The following MESP1 variants were observed in gnomAD, a reference collection of about 807,000 sequenced individuals.
MESP1 encodes the protein mesoderm posterior protein 1.
Under a neutral mutation model 15.2 loss-of-function variants are expected in MESP1, and 22 were observed. That is an observed-to-expected ratio of 1.45 (90% CI 1.04 to 2.07). The LOEUF (loss-of-function observed/expected upper bound fraction) is 2.07, where lower values mean the gene tolerates loss of function less well. Ranked by LOEUF, MESP1 falls within the 30% of genes most tolerant of loss-of-function variation. The pLI, the probability that MESP1 is intolerant of heterozygous loss-of-function variation, is 0.00. For missense variants in MESP1, 484 were observed against 411.9 expected, an observed-to-expected ratio of 1.17 and a Z score of -1.51; for synonymous variants, 216 against 192.6, an observed-to-expected ratio of 1.12 and a Z score of -1.01.
downstream of MESP1, among the ~76,000 whole-genome samples, chr15:89,747,253 G>A (rs559205984): frequency 3.9e-5 from 6 of 152,244 alleles, no homozygotes; most frequent in South Asian, 1.0e-3. Flanking sequence ...AAAGTTCCTC[G>A]AGTTCCCTGT....
the MESP1 span, among the ~76,000 whole-genome samples, chr15:89,744,604 G>A: frequency 6.6e-6 from 1 of 152,226 alleles, no homozygotes; most frequent in Admixed American, 6.5e-5. Context: ...ACAGAGCAGG[G>A]AACTGAGACT....
At chr15:89,746,072 CCA>C (rs1967939368), downstream of MESP1, among the ~76,000 whole-genome samples, 1 of 149,148 alleles carries the variant, frequency 6.7e-6, no homozygotes, top group Admixed American at 6.6e-5. Context: ...CTCCACACCT[CCA>C]CACATACACA....
chr15:89,743,987 C>T, the MESP1 span, among the ~76,000 whole-genome samples: 6 of 152,194 alleles, frequency 3.9e-5, no homozygotes, highest in Non-Finnish European at 7.3e-5. Context: ...GGCTCAGGAA[C>T]GCTAGAGGTG....
downstream of MESP1, among the ~76,000 whole-genome samples, chr15:89,746,197 A>C (rs111170183): frequency 0.013 from 1,644 of 129,882 alleles, 33 homozygotes; most frequent in African/African-American, 0.047. Flanking sequence ...ATCCATACCT[A>C]CTCACCTCCA....
At chr15:89,732,794 T>C in the MESP1 span, among the ~76,000 whole-genome samples, 6 of 152,036 alleles carry the variant, frequency 3.9e-5, no homozygotes, top group Admixed American at 1.3e-4. Flanking sequence ...CCCTCCCCAA[T>C]TCCTCTCCAG....
Position 89,750,095 on chromosome 15 carries a change from G to A in MESP1, c.*49C>T, listed in dbSNP as rs375208712. 1.3e-6 allele frequency: 2 copies of A among 1,571,350 alleles called. No individual in the cohort carries two copies. The highest frequency in any genetic ancestry group is 1.3e-5 in the African/African-American group (1 of 74,086). ...GCCAAGGAACCACTTCGAAGGTGCT[G>A]AGGCCAAAAAGCCTCGGTGCTCACA... On this transcript the variant is annotated 3_prime_UTR_variant, in exon 2 of 2. Transcript: ENST00000300057.
At chr15:89,733,078 C>G in the MESP1 span, 3 of 1,614,052 alleles carry the variant, frequency 1.9e-6, no homozygotes, top group African/African-American at 4.0e-5. Context: ...AAATATTTCT[C>G]GGTCCACAAA....
At chr15:89,740,270 C>T in the MESP1 span, among the ~76,000 whole-genome samples, 1 of 152,182 alleles carries the variant, frequency 6.6e-6, no homozygotes, top group African/African-American at 2.4e-5. Flanking sequence ...CTTCCTAGCT[C>T]ATACCTGCAC....
the MESP1 span, chr15:89,735,525 T>C: frequency 6.2e-7 from 1 of 1,614,192 alleles, no homozygotes. Flanking sequence ...ATCTGTGCCG[T>C]GGCCCCAGTC....
the MESP1 span, chr15:89,737,746 G>C: frequency 6.4e-4 from 1,038 of 1,614,020 alleles, 5 homozygotes; most frequent in Middle Eastern, 6.8e-3. Context: ...AAAGGGACCA[G>C]GGCTGATGCC....
the MESP1 span, among the ~76,000 whole-genome samples, chr15:89,735,794 A>AT: frequency 6.6e-6 from 1 of 152,192 alleles, no homozygotes; most frequent in Non-Finnish European, 1.5e-5. Context: ...TGTGATAGGG[A>AT]TTTTTTAATG....
rs1348571060 is a variant in MESP1 at position 89,750,869 on chromosome 15, G to A, written c.363C>T (p.Thr121=). The change falls in exon 1 of 2, where the codon ACC becomes ACT. Residue 121 remains threonine (T), a synonymous_variant. Coordinates refer to ENST00000300057, the MANE Select transcript of MESP1 (RefSeq NM_018670.4). The stretch of plus-strand genomic sequence containing the variant: ...TAGCCAGGCGCAGCGTCTCGATCTT[G>A]GTCAGGCTCTGGCCCGCGGGCGCCA... ...PSVAPAGQSL[T]KIETLRLAIR... 1.3e-6 allele frequency: 2 copies of A among 1,527,180 alleles called. No individual in the cohort carries two copies. Among genetic ancestry groups the A allele is most frequent in the Admixed American group, 2.0e-5 (1 of 50,204 alleles). 94.6% of individuals were successfully genotyped at this position (1,527,180 alleles called of 1,614,324 possible).
the MESP1 span, among the ~76,000 whole-genome samples, chr15:89,740,783 T>A: frequency 2.0e-5 from 3 of 151,826 alleles, no homozygotes; most frequent in African/African-American, 7.2e-5. Flanking sequence ...ATTACAGACA[T>A]GAGCCACCAC....
At chr15:89,741,811 G>A in the MESP1 span, among the ~76,000 whole-genome samples, 6 of 152,040 alleles carry the variant, frequency 3.9e-5, no homozygotes, top group Non-Finnish European at 8.8e-5. Context: ...GAGTGCAGTG[G>A]CACAATCTCA....
rs1968074363 is a variant in MESP1 at position 89,750,746 on chromosome 15, G to A, written c.486C>T (p.Gly162=). ...GGCAGTCGTCGGGGCACAGCGGGCA[G>A]CCCCGAGGGGACCCCGCGTCACCGC... ...RQRGDAGSPR[G]CPLCPDDCPA... The change falls in exon 1 of 2, where the codon GGC becomes GGT. Residue 162 remains glycine, a synonymous_variant. Transcript: ENST00000300057. 2.7e-6 allele frequency: 4 copies of A among 1,468,454 alleles called. No individual in the cohort carries two copies. The highest frequency in any genetic ancestry group is 2.7e-5 in the South Asian group (2 of 74,650). 91.0% of individuals were successfully genotyped at this position (1,468,454 alleles called of 1,614,324 possible). A position where few individuals can be genotyped will look rare whatever the true frequency, so the allele number is the denominator to read the frequency against.
chr15:89,750,040 G>C lies in MESP1; in HGVS notation c.*104C>G. On this transcript the variant is annotated 3_prime_UTR_variant, in exon 2 of 2. Transcript: ENST00000300057. ...CCGCAGGAATGCCCCCGTCGGGATCGCCCGTGCCCTCTTCCAGGAAAGGCA... is the reference window on the plus strand; with the variant it reads ...CCGCAGGAATGCCCCCGTCGGGATCCCCCGTGCCCTCTTCCAGGAAAGGCA... 2 of 1,142,220 alleles carry C rather than the reference G, an allele frequency of 1.8e-6. No individual in the cohort carries two copies. The highest frequency in any genetic ancestry group is 1.7e-5 in the Admixed American group (1 of 57,548). The allele number at this position is 1,142,220 out of a possible 1,614,324, so 70.8% of individuals were successfully genotyped here. A position where few individuals can be genotyped will look rare whatever the true frequency, so the allele number is the denominator to read the frequency against.
In MESP1 at chr15:89,750,628, C is replaced by A; in HGVS notation, c.604G>T (p.Gly202Ter). The change falls in exon 1 of 2, where the codon GGA becomes TGA. Residue 202 changes from glycine to a stop codon, truncating the protein, a stop_gained. Transcript: ENST00000300057. LOFTEE classifies it high-confidence loss of function. ...VSAVRAGASW[G>*]SPPACPGARA... ...GCTCCGGGGCAGGCAGGCGGGGATC[C>A]CCAGGACGCCCCGGCGCGGACGGCG... 1 of 1,380,420 alleles carries A rather than the reference C, an allele frequency of 7.2e-7. No individual in the cohort carries two copies. The highest frequency in any genetic ancestry group is 9.3e-7 in the Non-Finnish European group (1 of 1,075,982). The allele number at this position is 1,380,420 out of a possible 1,614,324, so 85.5% of individuals were successfully genotyped here. A position where few individuals can be genotyped will look rare whatever the true frequency, so the allele number is the denominator to read the frequency against.
downstream of MESP1, chr15:89,748,796 G>A (rs920890416): frequency 6.6e-6 from 1 of 152,188 alleles, no homozygotes; most frequent in Non-Finnish European, 1.5e-5. Flanking sequence ...GGTTTCTTTT[G>A]GGGGGTGAAA....
chr15:89,747,097 CACAT>C (rs1357304610), downstream of MESP1, among the ~76,000 whole-genome samples: 3 of 68,860 alleles, frequency 4.4e-5, no homozygotes, highest in Admixed American at 1.4e-4. Context: ...GCCCCACTGC[CACAT>C]ACACACACAC....
Sources: allele counts gnomAD v4.1 joint callset (sites outside exome capture counted in the v4.1 genomes callset), GRCh38; gene constraint gnomAD v4.1.1; transcripts MANE v1.5; gene names NCBI Gene and HGNC (gene_info 2026-07-23, HGNC 2026-07-21).